Variants in NFASC observed in about 807,000 individuals in gnomAD.
The protein encoded by NFASC is neurofascin.
NFASC carries 43 observed loss-of-function variants against 147.5 expected under a neutral mutation model. That is an observed-to-expected ratio of 0.29 (90% CI 0.23 to 0.38). The LOEUF (loss-of-function observed/expected upper bound fraction) is 0.38. NFASC is among the 10% of genes least tolerant of loss of function. The pLI, the probability that NFASC is intolerant of heterozygous loss-of-function variation, is 1.00. For missense variants in NFASC, 1,320 were observed against 1,689.0 expected (o/e 0.78, Z 3.83); for synonymous variants, 622 against 665.5 (o/e 0.93, Z 1.01).
intron 8 of NFASC, among the ~76,000 whole-genome samples, chr1:204,960,556 C>T (rs2094612551): frequency 6.6e-6 from 1 of 152,228 alleles, no homozygotes; most frequent in African/African-American, 2.4e-5. Context: ...CACATGTGCT[C>T]CAGAATTCAC....
chr1:204,962,195 T>C (rs560227148), intron 8 of NFASC: 57 of 1,573,706 alleles, frequency 3.6e-5, no homozygotes, highest in African/African-American at 5.4e-5. Context: ...TAACCTTGCC[T>C]GTGCTAACCC....
intron 4 of NFASC, among the ~76,000 whole-genome samples, chr1:204,950,858 C>T (rs1484150104): frequency 1.3e-5 from 2 of 152,258 alleles, no homozygotes; most frequent in Admixed American, 6.5e-5. Flanking sequence ...CACAGGACCC[C>T]AGGGTAGCAC....
intron 11 of NFASC, 99 bp downstream of exon 11, chr1:204,970,846 C>T: frequency 6.7e-7 from 1 of 1,488,880 alleles, no homozygotes; most frequent in Non-Finnish European, 9.2e-7. Context: ...ACTAGAAGTT[C>T]AGGAAGAGAG....
intron 2 of NFASC, among the ~76,000 whole-genome samples, chr1:204,942,831 C>CA (rs2093451441): frequency 6.6e-6 from 1 of 152,222 alleles, no homozygotes; most frequent in Middle Eastern, 3.4e-3. Flanking sequence ...AAAGAAACTG[C>CA]AAAAATGTGA....
At chr1:204,844,960 C>T (rs1459308320) in intron 1 of NFASC, among the ~76,000 whole-genome samples, 1 of 152,030 alleles carries the variant, frequency 6.6e-6, no homozygotes, top group Non-Finnish European at 1.5e-5. Flanking sequence ...GTTTAGCTTC[C>T]CTATCTTAGT....
intron 1 of NFASC, among the ~76,000 whole-genome samples, chr1:204,835,400 G>A (rs1384671848): frequency 6.6e-6 from 1 of 151,744 alleles, no homozygotes; most frequent in African/African-American, 2.4e-5. Flanking sequence ...GCTAATTTTT[G>A]TATTTTTTGT....
At chr1:204,845,126 G>C (rs1210736021) in intron 1 of NFASC, among the ~76,000 whole-genome samples, 1 of 152,026 alleles carries the variant, frequency 6.6e-6, no homozygotes, top group Non-Finnish European at 1.5e-5. Context: ...ACTCTTTCTG[G>C]CTGCTTGTAG....
chr1:204,867,331 A>G (rs1260817595), intron 1 of NFASC, among the ~76,000 whole-genome samples: 1 of 152,064 alleles, frequency 6.6e-6, no homozygotes, highest in African/African-American at 2.4e-5. Context: ...AAACACACAT[A>G]CAGGAACTAG....
At position 204,968,257 on chromosome 1, in the gene NFASC, G is replaced by A; in HGVS notation, c.715G>A (p.Val239Ile). ...FTLKVLTTRG[V>I]AERTPSFMYP... is the part of the protein sequence containing the mutation. ...GTTCTCTCCTGTTTCAGCCCGAGGA[G>A]TTGCAGAAAGAACACCAAGCTTCAT... The change falls in exon 9 of 30, where the codon GTT becomes ATT. Residue 239 changes from valine to isoleucine, a missense_variant. Val to Ile is a conservative substitution (Grantham distance 29, BLOSUM62 3). Transcript: ENST00000339876. This position sits in a 1 kb window ranked among gnomAD's most constrained non-coding sequence, Gnocchi z 5.4. The A allele has an allele frequency of 6.2e-7, 1 of 1,613,778 alleles. No homozygotes were observed. Among genetic ancestry groups the A allele is most frequent in the Non-Finnish European group, 8.5e-7 (1 of 1,179,618 alleles).
chr1:204,944,231 T>A lies in NFASC; in HGVS notation c.-85T>A. The A allele has an allele frequency of 1.9e-6, 3 of 1,566,484 alleles. No individual in the cohort carries two copies. The highest frequency in any genetic ancestry group is 2.6e-6 in the Non-Finnish European group (3 of 1,157,170). ...TCTTATGTTTCTTTCCACAGCTGAG[T>A]GCTGTCCAGGAGGCCCAGTTAAAGC... On this transcript the variant is annotated 5_prime_UTR_variant, in exon 3 of 30. Transcript: ENST00000339876.
At chr1:205,002,221 C>T (rs753630491) in intron 26 of NFASC, among the ~76,000 whole-genome samples, 4 of 152,204 alleles carry the variant, frequency 2.6e-5, no homozygotes, top group Admixed American at 6.5e-5. Flanking sequence ...GGGATGCTAA[C>T]TGGCTTTTGG....
At chr1:204,964,070 G>A (rs573439722) in intron 8 of NFASC, among the ~76,000 whole-genome samples, 20 of 152,360 alleles carry the variant, frequency 1.3e-4, no homozygotes, top group African/African-American at 4.3e-4. Flanking sequence ...CAGGTGAGGA[G>A]ACCAAGTGGT....
chr1:204,990,050 C>T (rs929338647), intron 23 of NFASC: 1 of 152,338 alleles, frequency 6.6e-6, no homozygotes, highest in African/African-American at 2.4e-5. Flanking sequence ...GCTTCACAAG[C>T]TGCCCACATC....
chr1:204,957,278 G>A (rs1222348975), intron 7 of NFASC, among the ~76,000 whole-genome samples: 1 of 152,212 alleles, frequency 6.6e-6, no homozygotes, highest in East Asian at 1.9e-4. Flanking sequence ...GTCGCTGCTA[G>A]CTTGAGAATT....
chr1:204,845,393 G>T (rs192693010), intron 1 of NFASC, among the ~76,000 whole-genome samples: 55 of 152,128 alleles, frequency 3.6e-4, no homozygotes, highest in Non-Finnish European at 5.3e-4. Context: ...GGGAGGCGGA[G>T]GTTGCAGTGA....
At chr1:204,984,710 T>C (rs1478808148) in intron 21 of NFASC, among the ~76,000 whole-genome samples, 1 of 152,170 alleles carries the variant, frequency 6.6e-6, no homozygotes, top group Non-Finnish European at 1.5e-5. Context: ...GTATATGGAC[T>C]ATCAAGGCTC....
Position 204,987,465 on chromosome 1 carries a change from A to G in NFASC, c.2518A>G (p.Thr840Ala), listed in dbSNP as rs761303999. The G allele has an allele frequency of 1.9e-6, 3 of 1,613,816 alleles. No individual in the cohort carries two copies. The African/African-American group carries it at 4.0e-5, about 22-fold the overall frequency. Reference protein sequence around the residue: ...RFRVRQPNLETINLEWDHPEH... With the variant: ...RFRVRQPNLEAINLEWDHPEH... ...CCGAGTCCGGCAGCCCAACCTGGAG[A>G]CAATCAACCTGGAATGGGATCATCC... Residue 840 changes from threonine to alanine, a missense_variant, in exon 22 of 30, where the codon ACA becomes GCA. Thr to Ala is a moderately conservative substitution (Grantham distance 58). Around this residue, in one of 3 missense-constraint regions of NFASC, gnomAD observed 981 missense variants for 1,289.5 expected, o/e 0.76. Coordinates refer to ENST00000339876, the MANE Select transcript of NFASC (RefSeq NM_001005388.3). This position sits in a 1 kb window ranked among gnomAD's most constrained non-coding sequence, Gnocchi z 4.4.
intron 17 of NFASC, 79 bp downstream of exon 17, chr1:204,977,804 C>T: frequency 7.2e-7 from 1 of 1,395,620 alleles, no homozygotes; most frequent in African/African-American, 1.4e-5. Context: ...AAGGAAGCCA[C>T]TTTGGGAAAG....
chr1:204,981,913 TG>T lies in NFASC; in HGVS notation c.2367del (p.Gln790ArgfsTer66). On this transcript the variant is annotated frameshift_variant, in exon 21 of 30. Transcript: ENST00000339876. LOFTEE classifies it high-confidence loss of function. The stretch of plus-strand genomic sequence containing the variant: ...ACAGTGTGGGGCTCTCGCTACGTGG[TG>T]GGGCAGACCCCAGTCTACGTGCCCT... ...NVTVWGSRYV[V>X]GQTPVYVPYE... is the part of the protein sequence containing the mutation. 1 of 1,609,232 alleles carries T rather than the reference TG, an allele frequency of 6.2e-7. No individual in the cohort carries two copies. The highest frequency in any genetic ancestry group is 8.5e-7 in the Non-Finnish European group (1 of 1,177,876).
Sources: allele counts gnomAD v4.1 joint callset (sites outside exome capture counted in the v4.1 genomes callset), GRCh38; gene constraint gnomAD v4.1.1; regional missense constraint gnomAD v4.1.1; non-coding constraint Gnocchi (gnomAD v3.1); transcripts MANE v1.5; gene names NCBI Gene and HGNC (gene_info 2026-07-23, HGNC 2026-07-21).